AAK1: variants seen among roughly 807,000 people sequenced by gnomAD.
The protein encoded by AAK1 is AP2 associated kinase 1, also known as AP2-associated protein kinase 1.
In AAK1, 37 loss-of-function variants were observed where a neutral mutation model predicts 116.0. The observed-to-expected ratio is 0.32, with a 90% CI of 0.25 to 0.42. The LOEUF (loss-of-function observed/expected upper bound fraction) is 0.42. Among genes scored for constraint, AAK1 ranks in the 10% least tolerant of loss-of-function variants. The pLI, the probability that AAK1 is intolerant of heterozygous loss-of-function variation, is 1.00. For synonymous variants in AAK1, 458 were observed against 439.9 expected, an observed-to-expected ratio of 1.04 and a Z score of -0.51; for missense variants, 919 against 1,170.6, an observed-to-expected ratio of 0.79 and a Z score of 3.14.
intron 2 of AAK1, among the ~76,000 whole-genome samples, chr2:69,634,943 C>G (rs1675382702): frequency 6.6e-6 from 1 of 152,148 alleles, no homozygotes; most frequent in African/African-American, 2.4e-5. Flanking sequence ...GATGACAATG[C>G]ACTGGGGTAG....
chr2:69,590,064 A>G (rs187576188), intron 2 of AAK1, among the ~76,000 whole-genome samples: 49 of 152,330 alleles, frequency 3.2e-4, no homozygotes, highest in African/African-American at 1.0e-3. Flanking sequence ...ACGACCAGCA[A>G]TGGAAGCCAG....
chr2:69,560,944 T>A (rs1033602628), intron 2 of AAK1, among the ~76,000 whole-genome samples: 1 of 152,212 alleles, frequency 6.6e-6, no homozygotes, highest in African/African-American at 2.4e-5. Context: ...TGATGGCTCA[T>A]GTAATGGGAT....
rs1674589628 is a variant in AAK1, at chr2:69,469,083, G to A, written c.*6786C>T. 2 of 985,416 alleles carry A rather than the reference G, an allele frequency of 2.0e-6. No homozygotes were observed. Among genetic ancestry groups the A allele is most frequent in the Non-Finnish European group, 2.4e-6 (2 of 829,924 alleles). The allele number at this position is 985,416 out of a possible 1,614,324, so 61.0% of individuals were successfully genotyped here. On this transcript the variant is annotated 3_prime_UTR_variant, in exon 22 of 22. Transcript: ENST00000409085. ...CCTATCTTTCTTTCAGCATCAACAG[G>A]CTTTGTAGGAATGGAAAAGTACATT...
chr2:69,518,858 G>A, intron 12 of AAK1, 96 bp downstream of exon 12: 1 of 1,443,054 alleles, frequency 6.9e-7, no homozygotes, highest in Non-Finnish European at 9.1e-7. Context: ...GTGATGTAAT[G>A]TTTAATGGCT....
In AAK1 at chr2:69,471,067, T is replaced by C. The variant is rs1198176184; in HGVS notation, c.*4802A>G. On this transcript the variant is annotated 3_prime_UTR_variant, in exon 22 of 22. Coordinates refer to ENST00000409085, the MANE Select transcript of AAK1 (RefSeq NM_014911.5). Reference sequence around the variant, plus strand: ...ATATCTTCATGTACAACTGTATGCTTTGTCTTCTTGGGAAGGACGCGTTAA... The same window carrying C: ...ATATCTTCATGTACAACTGTATGCTCTGTCTTCTTGGGAAGGACGCGTTAA... 1.0e-6 allele frequency: 1 copy of C among 985,766 alleles called. No individual in the cohort carries two copies. The highest frequency in any genetic ancestry group is 1.2e-6 in the Non-Finnish European group (1 of 829,938). The allele number at this position is 985,766 out of a possible 1,614,324, so 61.1% of individuals were successfully genotyped here.
Position 69,460,384 on chromosome 2 carries a change from A to C in AAK1, c.*15485T>G, listed in dbSNP as rs1212956713. On this transcript the variant is annotated 3_prime_UTR_variant, in exon 22 of 22. Coordinates refer to ENST00000409085, the MANE Select transcript of AAK1 (RefSeq NM_014911.5). ...TGTTTTGATTATTTTTCTTTATGGA[A>C]GCAAATACAGAATTTCCTTGTCAGA... 6.6e-6 allele frequency: 1 copy of C among 152,634 alleles called. No individual in the cohort carries two copies. The highest frequency in any genetic ancestry group is 2.4e-5 in the African/African-American group (1 of 41,462). 9.5% of individuals were successfully genotyped at this position (152,634 alleles called of 1,614,324 possible).
intron 2 of AAK1, chr2:69,598,411 G>T: frequency 3.4e-6 from 1 of 296,210 alleles, no homozygotes; most frequent in South Asian, 7.7e-5. Context: ...TATAAATGAT[G>T]AGTCATGTAA....
chr2:69,499,397 G>A (rs1675881210), intron 16 of AAK1, among the ~76,000 whole-genome samples: 1 of 152,062 alleles, frequency 6.6e-6, no homozygotes, highest in Non-Finnish European at 1.5e-5. Context: ...ACTCCCTTCT[G>A]GGGCCCCTAG....
At chr2:69,476,857 CT>C in intron 21 of AAK1, 22 bp downstream of exon 21, 1 of 1,579,592 alleles carries the variant, frequency 6.3e-7, no homozygotes, top group Non-Finnish European at 8.7e-7. Context: ...AAGCTCTTCT[CT>C]TTTCCCCATC....
At chr2:69,562,221 C>T (rs568718287) in intron 2 of AAK1, among the ~76,000 whole-genome samples, 3 of 152,322 alleles carry the variant, frequency 2.0e-5, no homozygotes, top group African/African-American at 4.8e-5. Context: ...TCTGTTTGTT[C>T]CACATCCTTA....
chr2:69,510,390 T>C (rs74436170), intron 13 of AAK1, among the ~76,000 whole-genome samples: 2 of 152,264 alleles, frequency 1.3e-5, no homozygotes, highest in Non-Finnish European at 2.9e-5. Flanking sequence ...CCTTCTTTTT[T>C]ATGGCTGCAT....
At chr2:69,639,530 T>C (rs1003802927) in intron 2 of AAK1, among the ~76,000 whole-genome samples, 1 of 152,146 alleles carries the variant, frequency 6.6e-6, no homozygotes, top group Non-Finnish European at 1.5e-5. Context: ...GCTGGACTAG[T>C]TAGTGAAACC....
At position 69,474,904 on chromosome 2, in the gene AAK1, G is replaced by T; in HGVS notation, c.*965C>A. 1.0e-6 allele frequency: 1 copy of T among 985,620 alleles called. No homozygotes were observed. Among genetic ancestry groups the T allele is most frequent in the Non-Finnish European group, 1.2e-6 (1 of 829,902 alleles). The allele number at this position is 985,620 out of a possible 1,614,324, so 61.1% of individuals were successfully genotyped here. On this transcript the variant is annotated 3_prime_UTR_variant, in exon 22 of 22. Transcript: ENST00000409085. The stretch of plus-strand genomic sequence containing the variant: ...CATTTATACACAATTTACAATATTT[G>T]ATTCAAAATAAAAATCACAAGAAAA...
chr2:69,622,443 G>A (rs185871579), intron 2 of AAK1, among the ~76,000 whole-genome samples: 8 of 152,314 alleles, frequency 5.3e-5, no homozygotes, highest in South Asian at 2.1e-4. Flanking sequence ...GCACGGGACC[G>A]GCAAGCAGCT....
intron 2 of AAK1, among the ~76,000 whole-genome samples, chr2:69,636,272 T>C (rs552621228): frequency 6.6e-6 from 1 of 152,350 alleles, no homozygotes; most frequent in East Asian, 1.9e-4. Flanking sequence ...GTCATATCTA[T>C]TCCTGGCATA....
intron 2 of AAK1, among the ~76,000 whole-genome samples, chr2:69,614,904 G>C (rs1674254799): frequency 6.6e-6 from 1 of 152,140 alleles, no homozygotes. Context: ...AGCCAGAATA[G>C]GCAAGAAATG....
At chr2:69,566,104 T>A (rs1671855204) in intron 2 of AAK1, among the ~76,000 whole-genome samples, 1 of 152,220 alleles carries the variant, frequency 6.6e-6, no homozygotes, top group Admixed American at 6.5e-5. Flanking sequence ...GGTGAGAACT[T>A]GGGTGCTCTA....
chr2:69,620,857 C>A (rs1460792822), intron 2 of AAK1, among the ~76,000 whole-genome samples: 1 of 152,146 alleles, frequency 6.6e-6, no homozygotes, highest in Non-Finnish European at 1.5e-5. Context: ...TACAAGTATC[C>A]CTGTATGGAC....
chr2:69,488,641 G>A (rs887705565), intron 17 of AAK1, among the ~76,000 whole-genome samples: 1 of 152,114 alleles, frequency 6.6e-6, no homozygotes, highest in African/African-American at 2.4e-5. Context: ...AATGGGCTAG[G>A]GGGTCACCAA....
Sources: allele counts gnomAD v4.1 joint callset (sites outside exome capture counted in the v4.1 genomes callset), GRCh38; gene constraint gnomAD v4.1.1; transcripts MANE v1.5; gene names NCBI Gene and HGNC (gene_info 2026-07-23, HGNC 2026-07-21).